Variants in TANC2 observed in about 807,000 individuals in gnomAD.
TANC2 encodes protein TANC2.
TANC2 carries 26 observed loss-of-function variants against 210.5 expected under a neutral mutation model. That is an observed-to-expected ratio of 0.12 (90% confidence interval 0.09 to 0.17). The LOEUF is 0.17. TANC2 is among the 10% of genes least tolerant of loss of function. TANC2 has a pLI of 1.00. For synonymous variants in TANC2, 931 were observed against 967.1 expected, an observed-to-expected ratio of 0.96 and a Z score of 0.69; for missense variants, 2,129 against 2,608.9, an observed-to-expected ratio of 0.82 and a Z score of 4.01.
intron 9 of TANC2, among the ~76,000 whole-genome samples, chr17:63,268,713 T>G (rs1328460762): frequency 6.6e-6 from 1 of 152,172 alleles, no homozygotes; most frequent in Admixed American, 6.6e-5. Context: ...ACACAACCTA[T>G]CCTTTTCTCA....
intron 14 of TANC2, among the ~76,000 whole-genome samples, chr17:63,362,485 A>G (rs1009463540): frequency 1.3e-5 from 2 of 151,986 alleles, no homozygotes; most frequent in African/African-American, 4.8e-5. Flanking sequence ...ACCATCAATC[A>G]TGTCATCCAT....
intron 19 of TANC2, among the ~76,000 whole-genome samples, chr17:63,404,552 T>TA (rs1438045040): frequency 6.6e-6 from 1 of 152,146 alleles, no homozygotes. Flanking sequence ...AATCCTTATA[T>TA]AAAAAATGAT....
intron 9 of TANC2, among the ~76,000 whole-genome samples, chr17:63,304,530 C>T (rs1405479917): frequency 6.6e-6 from 1 of 152,200 alleles, no homozygotes; most frequent in Admixed American, 6.5e-5. Flanking sequence ...GGGTGTCTGA[C>T]AACCCCTGTT....
At chr17:63,200,315 ATT>A (rs199554357) in intron 6 of TANC2, among the ~76,000 whole-genome samples, 3,586 of 145,512 alleles carry the variant, frequency 0.025, 145 homozygotes, top group African/African-American at 0.086. Flanking sequence ...AGATTGTGCC[ATT>A]GCACTCCAGC....
At chr17:63,256,103 A>AC (rs1156848571) in intron 8 of TANC2, among the ~76,000 whole-genome samples, 2 of 151,486 alleles carry the variant, frequency 1.3e-5, no homozygotes, top group Non-Finnish European at 1.5e-5. Flanking sequence ...GCAGGGTTTC[A>AC]CCATGTTGGC....
intron 4 of TANC2, among the ~76,000 whole-genome samples, chr17:63,125,762 T>C (rs1006585081): frequency 6.6e-6 from 1 of 152,244 alleles, no homozygotes; most frequent in African/African-American, 2.4e-5. Flanking sequence ...TATTGTCACA[T>C]TGTTATGATA....
chr17:63,185,680 G>A (rs940317602), intron 5 of TANC2, among the ~76,000 whole-genome samples: 3 of 152,102 alleles, frequency 2.0e-5, no homozygotes, highest in Non-Finnish European at 4.4e-5. Flanking sequence ...TATTTTGTTT[G>A]TTTTGTGTGC....
At chr17:63,227,740 G>T (rs747186771) in intron 7 of TANC2, among the ~76,000 whole-genome samples, 5 of 151,992 alleles carry the variant, frequency 3.3e-5, no homozygotes, top group Non-Finnish European at 7.4e-5. Flanking sequence ...ATTGTTTTGG[G>T]TTTTACATTT....
rs550898910 is a variant in TANC2, at chr17:63,151,248, C to G, written c.323-22C>G. 109 of 961,618 alleles carry G rather than the reference C, an allele frequency of 1.1e-4. No homozygotes were observed. In the African/African-American group the frequency reaches 1.8e-3, roughly 16 times the overall value. 59.6% of individuals were successfully genotyped at this position (961,618 alleles called of 1,614,324 possible). The stretch of plus-strand genomic sequence containing the variant: ...TTGCTCTCTCTGTCTCTTGCTTGCT[C>G]TCTCTCTCTTTTTGTTCTTAGCCCC... On this transcript the variant is annotated intron_variant, in intron 4 of 27. Coordinates refer to ENST00000689528, the Ensembl canonical transcript of TANC2.
intron 11 of TANC2, among the ~76,000 whole-genome samples, chr17:63,319,725 T>A (rs1273807676): frequency 6.6e-6 from 1 of 152,232 alleles, no homozygotes; most frequent in Non-Finnish European, 1.5e-5. Flanking sequence ...AGCTTAAAAC[T>A]CTTCGTGCTA....
intron 6 of TANC2, among the ~76,000 whole-genome samples, chr17:63,195,348 A>G (rs1380750614): frequency 6.6e-6 from 1 of 152,164 alleles, no homozygotes; most frequent in Non-Finnish European, 1.5e-5. Context: ...TGTTTCCCAT[A>G]TGAGTAAATG....
At chr17:63,232,831 G>A (rs929547442) in intron 7 of TANC2, among the ~76,000 whole-genome samples, 6 of 152,354 alleles carry the variant, frequency 3.9e-5, no homozygotes, top group African/African-American at 9.6e-5. Flanking sequence ...TGGACTACCC[G>A]GATTCCTCAG....
intron 10 of TANC2, among the ~76,000 whole-genome samples, chr17:63,318,624 G>C (rs893035454): frequency 6.6e-6 from 1 of 152,074 alleles, no homozygotes; most frequent in Non-Finnish European, 1.5e-5. Context: ...CTGACCTCTT[G>C]GATTTAGCAT....
At chr17:63,122,215 C>A (rs2038512262) in intron 4 of TANC2, among the ~76,000 whole-genome samples, 1 of 152,114 alleles carries the variant, frequency 6.6e-6, no homozygotes, top group Non-Finnish European at 1.5e-5. Flanking sequence ...CTGAGAAGTC[C>A]TACAATAAAG....
Position 63,340,064 on chromosome 17 carries a change from T to G in TANC2, c.1576-37T>G, listed in dbSNP as rs774549751. 4.7e-6 allele frequency: 7 copies of G among 1,491,226 alleles called. No individual in the cohort carries two copies. The African/African-American group carries it at 8.3e-5, about 18-fold the overall frequency. The allele number at this position is 1,491,226 out of a possible 1,614,324, so 92.4% of individuals were successfully genotyped here. On this transcript the variant is annotated intron_variant, in intron 11 of 27. Coordinates refer to ENST00000689528, the Ensembl canonical transcript of TANC2. ...TAATCATAGCTATTGCTCTTACTAC[T>G]GATAAGCCTGTTTGCATTCTCATCT...
At chr17:63,244,710 C>T (rs1042850729) in intron 8 of TANC2, among the ~76,000 whole-genome samples, 3 of 152,140 alleles carry the variant, frequency 2.0e-5, no homozygotes, top group East Asian at 1.9e-4. Context: ...ATTTCTTTAG[C>T]GTATTGTCTC....
At chr17:63,327,810 C>CA (rs1252130494) in intron 11 of TANC2, among the ~76,000 whole-genome samples, 1 of 151,918 alleles carries the variant, frequency 6.6e-6, no homozygotes, top group Non-Finnish European at 1.5e-5. Context: ...TTTTAGGGTA[C>CA]ATGTGCACAA....
rs181854260 is a variant in TANC2 at position 63,344,176 on chromosome 17, G to A, written c.1807+3844G>A. On this transcript the variant is annotated intron_variant, in intron 12 of 27. Coordinates refer to ENST00000689528, the Ensembl canonical transcript of TANC2. ...GCACGAACTCTATTGTGAACTATGC[G>A]TGCAAGGGATCTAGGTTGCGCACTT... 3.2e-4 allele frequency among the ~76,000 whole-genome samples: 49 copies of A among 152,284 alleles called. No individual in the cohort carries two copies. In the East Asian group the frequency reaches 9.1e-3, roughly 28 times the overall value.
intron 4 of TANC2, among the ~76,000 whole-genome samples, chr17:63,146,736 T>C (rs1437353635): frequency 6.6e-6 from 1 of 152,124 alleles, no homozygotes; most frequent in Non-Finnish European, 1.5e-5. Context: ...TATATTTCTT[T>C]GACTAGATAT....
Sources: allele counts gnomAD v4.1 joint callset (sites outside exome capture counted in the v4.1 genomes callset), GRCh38; gene constraint gnomAD v4.1.1; transcripts MANE v1.5; gene names NCBI Gene and HGNC (gene_info 2026-07-23, HGNC 2026-07-21).